PAX5: variants seen among roughly 807,000 people sequenced by gnomAD.
PAX5 encodes the protein paired box protein Pax-5.
In PAX5, 9 loss-of-function variants were observed where a neutral mutation model predicts 43.7. That is an observed-to-expected ratio of 0.21 (90% CI 0.12 to 0.36). PAX5 has a LOEUF of 0.36. PAX5 is among the 10% of genes least tolerant of loss of function. PAX5 has a pLI of 1.00. For missense variants in PAX5, 383 were observed against 532.7 expected, an observed-to-expected ratio of 0.72 and a Z score of 2.77; for synonymous variants, 228 against 214.3, an observed-to-expected ratio of 1.06 and a Z score of -0.56.
intron 5 of PAX5, among the ~76,000 whole-genome samples, chr9:36,970,725 G>A (rs757530907): frequency 2.0e-5 from 3 of 152,048 alleles, no homozygotes; most frequent in Non-Finnish European, 2.9e-5. Context: ...CCATGGACAC[G>A]GGCATTGTTC....
intron 5 of PAX5, among the ~76,000 whole-genome samples, chr9:36,995,470 G>A (rs771917210): frequency 2.6e-5 from 4 of 152,216 alleles, no homozygotes; most frequent in African/African-American, 9.7e-5. Flanking sequence ...GGTCAGTGCG[G>A]GGGGACGTGT....
chr9:36,875,448 A>C (rs1825828054), intron 8 of PAX5, among the ~76,000 whole-genome samples: 2 of 152,196 alleles, frequency 1.3e-5, no homozygotes, highest in Admixed American at 1.3e-4. Flanking sequence ...AAATGACTTC[A>C]GCTGGGCTTA....
intron 5 of PAX5, among the ~76,000 whole-genome samples, chr9:36,989,567 A>G (rs1275855421): frequency 2.0e-5 from 3 of 152,232 alleles, no homozygotes; most frequent in Non-Finnish European, 4.4e-5. Flanking sequence ...GCTGTGATCT[A>G]TACACATCTG....
At chr9:36,961,167 C>T (rs1290590846) in intron 6 of PAX5, among the ~76,000 whole-genome samples, 1 of 152,224 alleles carries the variant, frequency 6.6e-6, no homozygotes, top group African/African-American at 2.4e-5. Flanking sequence ...CTCAGAAGCA[C>T]AAACCAGCCC....
intron 7 of PAX5, among the ~76,000 whole-genome samples, chr9:36,906,788 TAAG>T (rs2131883184): frequency 6.6e-6 from 1 of 152,354 alleles, no homozygotes; most frequent in South Asian, 2.1e-4. Flanking sequence ...AAGCCGCATG[TAAG>T]AAGCCCAGGC....
At chr9:36,923,230 C>T (rs1830325507) in intron 7 of PAX5, 125 bp downstream of exon 7, 1 of 1,238,478 alleles carries the variant, frequency 8.1e-7, no homozygotes, top group Non-Finnish European at 1.1e-6. Context: ...TCCCAGGCCT[C>T]ATAACCTTGT....
rs1048045949 is a variant in PAX5, at chr9:36,874,288, G to T, written c.1012+7716C>A. On this transcript the variant is annotated intron_variant, in intron 8 of 9. Transcript: ENST00000358127. ...CAAAGCACCCTTCGCTTCTCTTGGG[G>T]CATCTGCATATTTCTGTCTGGACTG... is the stretch of plus-strand genomic sequence containing the variant. Among the ~76,000 whole-genome samples, 3 of 152,226 alleles carry T rather than the reference G, an allele frequency of 2.0e-5. No individual in the cohort carries two copies. The East Asian group carries it at 5.8e-4, about 29-fold the overall frequency.
At chr9:36,946,643 C>A (rs776703107) in intron 6 of PAX5, among the ~76,000 whole-genome samples, 2 of 152,206 alleles carry the variant, frequency 1.3e-5, no homozygotes, top group Non-Finnish European at 2.9e-5. Flanking sequence ...AGCATAGATG[C>A]GCTTTCTGAC....
In PAX5 at chr9:36,835,400, C is replaced by G. The variant is rs957564379; in HGVS notation, c.*5160G>C. The G allele has an allele frequency of 4.3e-6, 1 of 232,648 alleles. No individual in the cohort carries two copies. The highest frequency in any genetic ancestry group is 8.5e-6 in the Non-Finnish European group (1 of 117,734). The allele number at this position is 232,648 out of a possible 1,614,324, so 14.4% of individuals were successfully genotyped here. ...AGAAGCTGTTGCCTCATCAGGGGAG[C>G]AGGCAGGCAAGGGGCTCACAGCCTG... On this transcript the variant is annotated 3_prime_UTR_variant, in exon 10 of 10. Transcript: ENST00000358127.
intron 2 of PAX5, among the ~76,000 whole-genome samples, chr9:37,018,239 T>A (rs1411924925): frequency 6.6e-6 from 1 of 152,142 alleles, no homozygotes; most frequent in Non-Finnish European, 1.5e-5. Flanking sequence ...TAGTGTTTCT[T>A]CTTACTGTGT....
intron 5 of PAX5, among the ~76,000 whole-genome samples, chr9:36,987,520 G>A (rs994297091): frequency 6.6e-5 from 10 of 152,236 alleles, no homozygotes; most frequent in African/African-American, 2.4e-4. Context: ...GGTGCCAGTA[G>A]GAAAATCGAG....
intron 5 of PAX5, among the ~76,000 whole-genome samples, chr9:36,974,932 A>C (rs1835294550): frequency 6.6e-6 from 1 of 151,746 alleles, no homozygotes; most frequent in Admixed American, 6.6e-5. Context: ...TCTCTTCCCC[A>C]CTGCTCCCCA....
At chr9:36,868,476 G>A (rs1387918952) in intron 8 of PAX5, among the ~76,000 whole-genome samples, 5 of 152,194 alleles carry the variant, frequency 3.3e-5, no homozygotes, top group Non-Finnish European at 7.3e-5. Flanking sequence ...GACTGCGGTG[G>A]GGGGCTTCCT....
At position 36,835,454 on chromosome 9, in the gene PAX5, G is replaced by A. The variant is rs972671623; in HGVS notation, c.*5106C>T. On this transcript the variant is annotated 3_prime_UTR_variant, in exon 10 of 10. Coordinates refer to ENST00000358127, the MANE Select transcript of PAX5 (RefSeq NM_016734.3). ...TCTGCAGAGGCCCTTGGGACCTGGCGCCACACGAGGTGCAGCCGAGCTGAC... is the reference window on the plus strand; with the variant it reads ...TCTGCAGAGGCCCTTGGGACCTGGCACCACACGAGGTGCAGCCGAGCTGAC... 9 of 232,662 alleles carry A rather than the reference G, an allele frequency of 3.9e-5. No homozygotes were observed. Among genetic ancestry groups the A allele is most frequent in the African/African-American group, 1.1e-4 (5 of 45,408 alleles). 14.4% of individuals were successfully genotyped at this position (232,662 alleles called of 1,614,324 possible).
At chr9:36,878,616 A>C (rs1324747111) in intron 8 of PAX5, among the ~76,000 whole-genome samples, 2 of 152,180 alleles carry the variant, frequency 1.3e-5, no homozygotes, top group African/African-American at 4.8e-5. Context: ...AGGCTGGGAG[A>C]GGAGGCCAGA....
intron 5 of PAX5, among the ~76,000 whole-genome samples, 189 bp downstream of exon 5, chr9:37,002,459 G>A (rs1367817015): frequency 1.3e-5 from 2 of 152,374 alleles, no homozygotes; most frequent in Non-Finnish European, 2.9e-5. Context: ...TCACCCTGCT[G>A]CCTGTCTGTC....
intron 5 of PAX5, 84 bp from the exon 6 acceptor site, chr9:36,966,808 G>T: frequency 1.5e-6 from 2 of 1,291,136 alleles, no homozygotes; most frequent in South Asian, 2.7e-5. Flanking sequence ...AGACTATGAA[G>T]AGGACCTGAC....
chr9:36,850,846 A>T (rs80339670), intron 8 of PAX5, among the ~76,000 whole-genome samples: 3,462 of 152,248 alleles, frequency 0.023, 58 homozygotes, highest in Middle Eastern at 0.041. Context: ...CGTGCCTCCA[A>T]CTTCTCCATC....
chr9:36,877,515 G>T (rs966155187), intron 8 of PAX5, among the ~76,000 whole-genome samples: 7 of 152,222 alleles, frequency 4.6e-5, no homozygotes, highest in African/African-American at 1.7e-4. Flanking sequence ...GATCATTGCA[G>T]CATAGCAACC....
Sources: allele counts gnomAD v4.1 joint callset (sites outside exome capture counted in the v4.1 genomes callset), GRCh38; gene constraint gnomAD v4.1.1; transcripts MANE v1.5; gene names NCBI Gene and HGNC (gene_info 2026-07-23, HGNC 2026-07-21).